The following KLHL26 variants were observed in gnomAD, a reference collection of about 807,000 sequenced individuals.
The protein encoded by KLHL26 is kelch like family member 26.
Under a neutral mutation model 7.1 loss-of-function variants are expected in KLHL26, and 4 were observed. The observed-to-expected ratio is 0.56, with a 90% confidence interval of 0.28 to 1.28. The LOEUF (loss-of-function observed/expected upper bound fraction) is 1.28. Ranked by LOEUF, KLHL26 falls within the 50% of genes most tolerant of loss-of-function variation. The pLI is 0.11. For missense variants in KLHL26, 896 were observed against 924.6 expected (o/e 0.97, Z 0.40); for synonymous variants, 465 against 414.1 (o/e 1.12, Z -1.49).
chr19:18,653,598 TAG>T, intron 1 of KLHL26, among the ~76,000 whole-genome samples: 1 of 35,982 alleles, frequency 2.8e-5, no homozygotes, highest in Non-Finnish European at 5.1e-5. Context: ...TCTACCCACC[TAG>T]GCACCCACCC....
rs3795026 is a variant in KLHL26, at chr19:18,669,959, T to C, written c.*714T>C. ...CTCCTTAGGGGCTTGGGACCTTCCA[T>C]TTGGCACTGAGCATCTTGTGGGGCC... On this transcript the variant is annotated 3_prime_UTR_variant, in exon 3 of 3. Transcript: ENST00000300976. 59,120 of 152,198 alleles carry C rather than the reference T, an allele frequency of 0.39. 12,140 individuals carry two copies. Among genetic ancestry groups the C allele is most frequent in the East Asian group, 0.56 (2,899 of 5,166 alleles). The allele number at this position is 152,198 out of a possible 1,614,324, so 9.4% of individuals were successfully genotyped here.
At chr19:18,644,138 T>TGA in intron 1 of KLHL26, among the ~76,000 whole-genome samples, 1 of 152,168 alleles carries the variant, frequency 6.6e-6, no homozygotes, top group South Asian at 2.1e-4. Context: ...GTTTTCAAGT[T>TGA]TTATAGGTAG....
rs148465416 is a variant in KLHL26, at chr19:18,641,842, T to A, written c.83+4705T>A. Among the ~76,000 whole-genome samples the A allele has an allele frequency of 1.3e-4, 19 of 151,758 alleles. No individual in the cohort carries two copies. The East Asian group carries it at 3.5e-3, about 28-fold the overall frequency. The stretch of plus-strand genomic sequence containing the variant: ...CGGGGTTTCTCCATGTTGGTCAGGC[T>A]GGTCTCGATCTCTTGACCTTGTGAT... On this transcript the variant is annotated intron_variant, in intron 1 of 2. Coordinates refer to ENST00000300976, the MANE Select transcript of KLHL26 (RefSeq NM_018316.3).
chr19:18,670,076 T>G lies in KLHL26; in HGVS notation c.*831T>G, dbSNP rs913950084. On this transcript the variant is annotated 3_prime_UTR_variant, in exon 3 of 3. Transcript: ENST00000300976. ...TTGGAGGGCGACGCTAACTTCAGAA[T>G]CCCATAGTGGCGCTTGCCGCAGGTC... 6.6e-6 allele frequency: 1 copy of G among 152,228 alleles called. No individual in the cohort carries two copies. The highest frequency in any genetic ancestry group is 1.5e-5 in the Non-Finnish European group (1 of 68,066). The allele number at this position is 152,228 out of a possible 1,614,324, so 9.4% of individuals were successfully genotyped here.
chr19:18,668,561 C>G lies in KLHL26; in HGVS notation c.1164C>G (p.Pro388=). 1.9e-6 allele frequency: 3 copies of G among 1,594,040 alleles called. No individual in the cohort carries two copies. The highest frequency in any genetic ancestry group is 2.6e-6 in the Non-Finnish European group (3 of 1,174,646). ...GAVDACYRYD[P]HLNRWLRLQA... is the part of the protein sequence containing the mutation. ...TGGACGCCTGCTACCGCTACGACCC[C>G]CACCTGAATCGCTGGCTGCGCCTGC... The change falls in exon 3 of 3, where the codon CCC becomes CCG. Residue 388 remains proline, a synonymous_variant. Coordinates refer to ENST00000300976, the MANE Select transcript of KLHL26 (RefSeq NM_018316.3).
Position 18,668,433 on chromosome 19 carries a change from G to C in KLHL26, c.1036G>C (p.Glu346Gln). The C allele has an allele frequency of 6.2e-7, 1 of 1,611,496 alleles. No individual in the cohort carries two copies. The highest frequency in any genetic ancestry group is 8.5e-7 in the Non-Finnish European group (1 of 1,179,754). Reference sequence around the variant, plus strand: ...AGCCCGCCACTTCCGCGAGCTCACGGAGATGGAGGTAGGCTGCAGCCACAC... The same window carrying C: ...AGCCCGCCACTTCCGCGAGCTCACGCAGATGGAGGTAGGCTGCAGCCACAC... Reference protein sequence around the residue: ...PGARHFRELTEMEVGCSHTCV... With the variant: ...PGARHFRELTQMEVGCSHTCV... The change falls in exon 3 of 3, where the codon GAG becomes CAG. Residue 346 changes from glutamate to glutamine, a missense_variant. Glu to Gln is a conservative substitution (Grantham distance 29). Coordinates refer to ENST00000300976, the MANE Select transcript of KLHL26 (RefSeq NM_018316.3).
At chr19:18,655,175 T>G (rs1300652478) in intron 1 of KLHL26, among the ~76,000 whole-genome samples, 3 of 152,166 alleles carry the variant, frequency 2.0e-5, no homozygotes, top group Non-Finnish European at 4.4e-5. Context: ...AGAGTGGGGT[T>G]CCCTCTCTTG....
chr19:18,668,536 TGG>T lies in KLHL26; in HGVS notation c.1140_1141del (p.Asp381ArgfsTer58). 6.3e-7 allele frequency: 1 copy of T among 1,595,326 alleles called. No individual in the cohort carries two copies. The highest frequency in any genetic ancestry group is 1.1e-5 in the South Asian group (1 of 90,700). ...CAGTACCGCAGCGGCGAGGGCGCAG[TGG>T]ACGCCTGCTACCGCTACGACCCCCA... is the stretch of plus-strand genomic sequence containing the variant. On this transcript the variant is annotated frameshift_variant, in exon 3 of 3. Coordinates refer to ENST00000300976, the MANE Select transcript of KLHL26 (RefSeq NM_018316.3). LOFTEE classifies it low-confidence loss of function (END_TRUNC).
intron 1 of KLHL26, among the ~76,000 whole-genome samples, chr19:18,641,742 C>T (rs1368951858): frequency 6.8e-6 from 1 of 146,804 alleles, no homozygotes; most frequent in Non-Finnish European, 1.5e-5. Flanking sequence ...AATTCTCCTG[C>T]CCCAGCCTCC....
intron 1 of KLHL26, among the ~76,000 whole-genome samples, chr19:18,660,300 C>T (rs533119929): frequency 4.6e-5 from 7 of 152,216 alleles, no homozygotes; most frequent in South Asian, 2.1e-4. Flanking sequence ...GCCCCTAGCC[C>T]GGGCCAGGCC....
chr19:18,650,803 C>T lies in KLHL26; in HGVS notation c.84-13458C>T, dbSNP rs1471461979. Among the ~76,000 whole-genome samples, 2 of 152,202 alleles carry T rather than the reference C, an allele frequency of 1.3e-5. No individual in the cohort carries two copies. The highest frequency in any genetic ancestry group is 2.9e-5 in the Non-Finnish European group (2 of 68,040). ...GGAGTCGTGGCGGACGGAGTGGAGC[C>T]GTCTGTCTCGTCACAGACAGGCGGG... is the stretch of plus-strand genomic sequence containing the variant. On this transcript the variant is annotated intron_variant, in intron 1 of 2. Coordinates refer to ENST00000300976, the MANE Select transcript of KLHL26 (RefSeq NM_018316.3). The surrounding 1 kb of genome is among the most constrained non-coding windows in gnomAD (Gnocchi z 4.2).
At position 18,649,008 on chromosome 19, in the gene KLHL26, G is replaced by A. The variant is rs1467348970; in HGVS notation, c.83+11871G>A. On this transcript the variant is annotated intron_variant, in intron 1 of 2. Coordinates refer to ENST00000300976, the MANE Select transcript of KLHL26 (RefSeq NM_018316.3). This position sits in a 1 kb window ranked among gnomAD's most constrained non-coding sequence, Gnocchi z 4.0. Reference sequence around the variant, plus strand: ...CTCAGAACAAAATCTACTTCTTGATGTGACCCGCTGGGCCCCTGAGCTTCC... The same window carrying A: ...CTCAGAACAAAATCTACTTCTTGATATGACCCGCTGGGCCCCTGAGCTTCC... Among the ~76,000 whole-genome samples the A allele has an allele frequency of 2.0e-5, 3 of 152,162 alleles. No homozygotes were observed. Among genetic ancestry groups the A allele is most frequent in the Non-Finnish European group, 4.4e-5 (3 of 68,030 alleles).
rs1049337922 is a variant in KLHL26, at chr19:18,650,214, G to A, written c.83+13077G>A. On this transcript the variant is annotated intron_variant, in intron 1 of 2. Coordinates refer to ENST00000300976, the MANE Select transcript of KLHL26 (RefSeq NM_018316.3). This position sits in a 1 kb window ranked among gnomAD's most constrained non-coding sequence, Gnocchi z 4.2. ...CGGGAGCGGTCTGGGCTGGATATCC[G>A]GAGAGTTCTGCTCTCCACGGGATGT... is the stretch of plus-strand genomic sequence containing the variant. 6.6e-5 allele frequency among the ~76,000 whole-genome samples: 10 copies of A among 152,184 alleles called. No homozygotes were observed. Among genetic ancestry groups the A allele is most frequent in the East Asian group, 5.8e-4 (3 of 5,194 alleles).
At position 18,668,006 on chromosome 19, in the gene KLHL26, C is replaced by T. The variant is rs144921530; in HGVS notation, c.609C>T (p.Arg203=). 4.0e-5 allele frequency: 64 copies of T among 1,608,796 alleles called. No homozygotes were observed. The African/African-American group carries it at 7.1e-4, about 18-fold the overall frequency. The change falls in exon 3 of 3, where the codon CGC becomes CGT. Residue 203 remains arginine, a synonymous_variant. Coordinates refer to ENST00000300976, the MANE Select transcript of KLHL26 (RefSeq NM_018316.3). The part of the protein sequence containing the change: ...LQIAEEEDFL[R]LPLERLVFFL... ...TCGCCGAGGAGGAGGATTTCCTGCGCCTGCCACTGGAGCGCCTGGTCTTCT... is the reference window on the plus strand; with the variant it reads ...TCGCCGAGGAGGAGGATTTCCTGCGTCTGCCACTGGAGCGCCTGGTCTTCT...
chr19:18,658,952 C>G (rs9797834), intron 1 of KLHL26, among the ~76,000 whole-genome samples: 1 of 147,960 alleles, frequency 6.8e-6, no homozygotes, highest in African/African-American at 2.5e-5. Context: ...TCTCTGGGTG[C>G]CTGTCTCCTT....
chr19:18,664,525 G>T, intron 2 of KLHL26, 82 bp downstream of exon 2: 1 of 1,164,244 alleles, frequency 8.6e-7, no homozygotes, highest in Non-Finnish European at 1.2e-6. Context: ...CTTTCTAAAG[G>T]GGGCCTGTCT....
At position 18,670,764 on chromosome 19, in the gene KLHL26, T is replaced by C. The variant is rs1228915890; in HGVS notation, c.*1519T>C. 1 of 152,244 alleles carries C rather than the reference T, an allele frequency of 6.6e-6. No individual in the cohort carries two copies. The highest frequency in any genetic ancestry group is 1.9e-4 in the East Asian group (1 of 5,194). 9.4% of individuals were successfully genotyped at this position (152,244 alleles called of 1,614,324 possible). A position where few individuals can be genotyped will look rare whatever the true frequency, so the allele number is the denominator to read the frequency against. On this transcript the variant is annotated 3_prime_UTR_variant, in exon 3 of 3. Coordinates refer to ENST00000300976, the MANE Select transcript of KLHL26 (RefSeq NM_018316.3). The stretch of plus-strand genomic sequence containing the variant: ...CTCTGTCACCCAGGCTGGAGTGCAG[T>C]GGCGTGATCTCGGCTCACTGCAACC...
intron 2 of KLHL26, among the ~76,000 whole-genome samples, chr19:18,665,358 A>G (rs995141029): frequency 4.6e-5 from 7 of 152,190 alleles, no homozygotes; most frequent in African/African-American, 1.2e-4. Context: ...GCCCAGCCCA[A>G]TCTGTCTTTA....
rs936429842 is a variant in KLHL26, at chr19:18,646,553, T to C, written c.83+9416T>C. Among the ~76,000 whole-genome samples the C allele has an allele frequency of 6.6e-6, 1 of 152,194 alleles. No individual in the cohort carries two copies. The highest frequency in any genetic ancestry group is 2.4e-5 in the African/African-American group (1 of 41,440). ...CCATGGGTGACTGTGGCTCCCTCTT[T>C]ATGGGTTGTGGCTGTGACAGATTCC... On this transcript the variant is annotated intron_variant, in intron 1 of 2. Transcript: ENST00000300976. The surrounding 1 kb of genome is among the most constrained non-coding windows in gnomAD (Gnocchi z 5.0).
Sources: allele counts gnomAD v4.1 joint callset (sites outside exome capture counted in the v4.1 genomes callset), GRCh38; gene constraint gnomAD v4.1.1; non-coding constraint Gnocchi (gnomAD v3.1); transcripts MANE v1.5; gene names NCBI Gene and HGNC (gene_info 2026-07-23, HGNC 2026-07-21).